FECH: variants seen among roughly 807,000 people sequenced by gnomAD.
FECH encodes ferrochelatase, also known as ferrochelatase, mitochondrial.
In FECH, 40 loss-of-function variants were observed where a neutral mutation model predicts 56.9. The observed-to-expected ratio is 0.70, with a 90% CI of 0.55 to 0.92. The LOEUF (loss-of-function observed/expected upper bound fraction) is 0.92, where lower values mean the gene tolerates loss of function less well. Ranked by LOEUF, FECH falls within the 40% of genes least tolerant of loss-of-function variation. The pLI is 0.00. For synonymous variants in FECH, 175 were observed against 198.6 expected, an observed-to-expected ratio of 0.88 and a Z score of 1.00; for missense variants, 431 against 529.1, an observed-to-expected ratio of 0.81 and a Z score of 1.82.
chr18:57,575,700 AGGTG>A (rs2051175984), intron 2 of FECH, among the ~76,000 whole-genome samples: 1 of 152,222 alleles, frequency 6.6e-6, no homozygotes, highest in East Asian at 1.9e-4. Context: ...CTGAGATTAC[AGGTG>A]TGAGCCATTG....
In FECH at chr18:57,546,699, G is replaced by A. The variant is rs1248692920; in HGVS notation, c.*4013C>T. ...GAGTAGGCCGGGGATGGTGGCTCAC[G>A]CCTGTAATCCCAACACTTTCAGAGG... On this transcript the variant is annotated 3_prime_UTR_variant, in exon 11 of 11. Transcript: ENST00000262093. Among the ~76,000 whole-genome samples, 1 of 152,096 alleles carries A rather than the reference G, an allele frequency of 6.6e-6. No homozygotes were observed. The highest frequency in any genetic ancestry group is 2.4e-5 in the African/African-American group (1 of 41,414).
chr18:57,561,338 T>C (rs1210145849), intron 6 of FECH, among the ~76,000 whole-genome samples: 1 of 152,254 alleles, frequency 6.6e-6, no homozygotes, highest in African/African-American at 2.4e-5. Flanking sequence ...AAATGTCATA[T>C]CGTATCCAAA....
At chr18:57,562,627 T>C (rs1229305699) in intron 6 of FECH, among the ~76,000 whole-genome samples, 1 of 152,188 alleles carries the variant, frequency 6.6e-6, no homozygotes, top group Non-Finnish European at 1.5e-5. Flanking sequence ...ACTCAAAATA[T>C]CGTTTTGTTA....
rs1450369557 is a variant in FECH at position 57,547,428 on chromosome 18, A to G, written c.*3284T>C. On this transcript the variant is annotated 3_prime_UTR_variant, in exon 11 of 11. Coordinates refer to ENST00000262093, the MANE Select transcript of FECH (RefSeq NM_000140.5). The stretch of plus-strand genomic sequence containing the variant: ...ATTGGAACATGGAGACAGTTCCCCC[A>G]TGCTGTTCTTGTGACAGCCAGTTCT... 6.6e-6 allele frequency among the ~76,000 whole-genome samples: 1 copy of G among 152,102 alleles called. No individual in the cohort carries two copies. The highest frequency in any genetic ancestry group is 1.5e-5 in the Non-Finnish European group (1 of 68,004).
intron 3 of FECH, 90 bp from the exon 4 acceptor site, chr18:57,571,630 A>C (rs1349071007): frequency 6.3e-7 from 1 of 1,595,472 alleles, no homozygotes; most frequent in Non-Finnish European, 8.6e-7. Flanking sequence ...AAAAAAAGCA[A>C]AATTTTAGAG....
At chr18:57,564,509 T>G (rs981719424) in intron 5 of FECH, among the ~76,000 whole-genome samples, 2 of 152,226 alleles carry the variant, frequency 1.3e-5, no homozygotes, top group Non-Finnish European at 2.9e-5. Flanking sequence ...ACCGATCCAC[T>G]GGGCTCTCTA....
chr18:57,566,685 A>C, intron 4 of FECH, 104 bp from the exon 5 acceptor site: 1 of 1,410,856 alleles, frequency 7.1e-7, no homozygotes, highest in Non-Finnish European at 9.9e-7. Flanking sequence ...CAGTTCATGT[A>C]ATTTCCTATG....
At chr18:57,571,178 C>T (rs1228981524) in intron 4 of FECH, among the ~76,000 whole-genome samples, 1 of 151,952 alleles carries the variant, frequency 6.6e-6, no homozygotes, top group East Asian at 1.9e-4. Context: ...AAATCCTTAG[C>T]TTTTTTTTAC....
intron 4 of FECH, among the ~76,000 whole-genome samples, chr18:57,568,164 C>T (rs909382371): frequency 6.6e-6 from 1 of 152,178 alleles, no homozygotes; most frequent in Admixed American, 6.5e-5. Context: ...TACTTTGAAA[C>T]AATACGATGA....
chr18:57,563,091 T>C, intron 5 of FECH, 111 bp from the exon 6 acceptor site: 1 of 796,212 alleles, frequency 1.3e-6, no homozygotes, highest in Non-Finnish European at 2.1e-6. Context: ...GCTTCTTTAC[T>C]GAATCAGTCT....
intron 4 of FECH, among the ~76,000 whole-genome samples, chr18:57,567,218 T>C (rs2051030433): frequency 6.6e-6 from 1 of 152,154 alleles, no homozygotes; most frequent in East Asian, 1.9e-4. Context: ...AATTCATTGA[T>C]AACAAATGAT....
intron 4 of FECH, 124 bp from the exon 5 acceptor site, chr18:57,566,705 G>C (rs922495972): frequency 8.6e-7 from 1 of 1,160,706 alleles, no homozygotes; most frequent in East Asian, 2.5e-5. Context: ...GGCACTGACG[G>C]TGAAGGCAAG....
Position 57,548,889 on chromosome 18 carries a change from A to T in FECH, c.*1823T>A, listed in dbSNP as rs2050756406. 6.6e-6 allele frequency: 1 copy of T among 152,178 alleles called. No individual in the cohort carries two copies. Among genetic ancestry groups the T allele is most frequent in the South Asian group, 2.1e-4 (1 of 4,826 alleles). The allele number at this position is 152,178 out of a possible 1,614,324, so 9.4% of individuals were successfully genotyped here. A position where few individuals can be genotyped will look rare whatever the true frequency, so the allele number is the denominator to read the frequency against. ...GAGTTTTCTGCATCATCTCCATAAA[A>T]ATATTTTTTCACCTCTAAAGTCATC... On this transcript the variant is annotated 3_prime_UTR_variant, in exon 11 of 11. Coordinates refer to ENST00000262093, the MANE Select transcript of FECH (RefSeq NM_000140.5).
intron 3 of FECH, 143 bp downstream of exon 3, chr18:57,573,103 T>A: frequency 1.2e-6 from 1 of 865,816 alleles, no homozygotes; most frequent in Admixed American, 2.1e-5. Flanking sequence ...CATATCCTTC[T>A]GATATCCAAC....
At position 57,549,689 on chromosome 18, in the gene FECH, G is replaced by A. The variant is rs2050771101; in HGVS notation, c.*1023C>T. The A allele has an allele frequency of 6.6e-6, 1 of 152,128 alleles. No individual in the cohort carries two copies. Among genetic ancestry groups the A allele is most frequent in the Non-Finnish European group, 1.5e-5 (1 of 68,018 alleles). 9.4% of individuals were successfully genotyped at this position (152,128 alleles called of 1,614,324 possible). A position where few individuals can be genotyped will look rare whatever the true frequency, so the allele number is the denominator to read the frequency against. On this transcript the variant is annotated 3_prime_UTR_variant, in exon 11 of 11. Coordinates refer to ENST00000262093, the MANE Select transcript of FECH (RefSeq NM_000140.5). The stretch of plus-strand genomic sequence containing the variant: ...GGACTACCACGAAATACAATATTAT[G>A]ATAACAGTTATTGCATTAAAGTGGT...
At chr18:57,559,288 G>A (rs1019921498) in intron 6 of FECH, 45 bp from the exon 7 acceptor site, 2 of 1,278,920 alleles carry the variant, frequency 1.6e-6, no homozygotes, top group African/African-American at 1.5e-5. Context: ...AGGGAAGAAA[G>A]AAATGGAAGG....
intron 7 of FECH, among the ~76,000 whole-genome samples, chr18:57,555,453 C>T (rs2050856415): frequency 6.6e-6 from 1 of 152,196 alleles, no homozygotes; most frequent in African/African-American, 2.4e-5. Flanking sequence ...CAGGCACCTC[C>T]AAGAGTGTGA....
chr18:57,586,677 T>TCCGCCCAGCAGTGG lies in FECH; in HGVS notation c.-71_-58dup, dbSNP rs1421261316. 6.8e-7 allele frequency: 1 copy of TCCGCCCAGCAGTGG among 1,461,188 alleles called. No individual in the cohort carries two copies. The highest frequency in any genetic ancestry group is 2.3e-5 in the Admixed American group (1 of 43,978). 90.5% of individuals were successfully genotyped at this position (1,461,188 alleles called of 1,614,324 possible). On this transcript the variant is annotated 5_prime_UTR_variant, in exon 1 of 11. Transcript: ENST00000262093. Reference sequence around the variant, plus strand: ...CCTCCCGCGGCGGCGCGCCCAGGTGTCCGCCCAGCAGTGGCCGAGCCGGGT... The same window carrying TCCGCCCAGCAGTGG: ...CCTCCCGCGGCGGCGCGCCCAGGTGTCCGCCCAGCAGTGGCCGCCCAGCAGTGGCCGAGCCGGGT...
At chr18:57,557,432 C>G (rs1056339591) in intron 7 of FECH, among the ~76,000 whole-genome samples, 1 of 152,284 alleles carries the variant, frequency 6.6e-6, no homozygotes, top group East Asian at 1.9e-4. Context: ...AAGCAGCGTG[C>G]TCCGTCCCCA....
Sources: allele counts gnomAD v4.1 joint callset (sites outside exome capture counted in the v4.1 genomes callset), GRCh38; gene constraint gnomAD v4.1.1; transcripts MANE v1.5; gene names NCBI Gene and HGNC (gene_info 2026-07-23, HGNC 2026-07-21).